ROBO2: variants seen among roughly 807,000 people sequenced by gnomAD.
ROBO2 encodes the protein roundabout guidance receptor 2, also known as roundabout homolog 2.
In ROBO2, 53 loss-of-function variants were observed where a neutral mutation model predicts 160.8. The observed-to-expected ratio is 0.33, with a 90% confidence interval of 0.26 to 0.41. The LOEUF (loss-of-function observed/expected upper bound fraction) is 0.41, where lower values mean the gene tolerates loss of function less well. Among genes scored for constraint, ROBO2 ranks in the 10% least tolerant of loss-of-function variants. The pLI is 1.00. For synonymous variants in ROBO2, 664 were observed against 611.7 expected (o/e 1.09, Z -1.26); for missense variants, 1,577 against 1,722.4 (o/e 0.92, Z 1.49).
chr3:76,613,639 C>T (rs924874518), intron 2 of ROBO2, among the ~76,000 whole-genome samples: 9 of 151,836 alleles, frequency 5.9e-5, no homozygotes, highest in African/African-American at 2.2e-4. Flanking sequence ...AGAGTACTGC[C>T]TGTCTCCCAG....
chr3:76,212,921 T>G (rs1703243197), intron 2 of ROBO2, among the ~76,000 whole-genome samples: 1 of 430 alleles, frequency 2.3e-3, no homozygotes, highest in Non-Finnish European at 0.071. Flanking sequence ...TAGTTTCACT[T>G]TTGGTATTTG....
At position 77,494,348 on chromosome 3, in the gene ROBO2, A is replaced by T. The variant is rs569232324; in HGVS notation, c.806+966A>T. On this transcript the variant is annotated intron_variant, in intron 5 of 25. Transcript: ENST00000461745. ...TCCCAACACTTTGGGAGGCCGAGGC[A>T]GGTGGATCATTTCATGTCAGGAGTT... Among the ~76,000 whole-genome samples, 38 of 152,124 alleles carry T rather than the reference A, an allele frequency of 2.5e-4. No individual in the cohort carries two copies. In the South Asian group the frequency reaches 3.9e-3, roughly 16 times the overall value.
chr3:76,841,176 A>C (rs1181065200), intron 2 of ROBO2, among the ~76,000 whole-genome samples: 1 of 152,160 alleles, frequency 6.6e-6, no homozygotes, highest in African/African-American at 2.4e-5. Context: ...GCGCCATTGG[A>C]TTAGAAAGAA....
At chr3:76,668,649 G>T (rs538007838) in intron 2 of ROBO2, among the ~76,000 whole-genome samples, 30 of 152,202 alleles carry the variant, frequency 2.0e-4, no homozygotes, top group African/African-American at 7.0e-4. Context: ...TTCCTAGGAA[G>T]ACAGGGCATA....
chr3:77,301,758 CTT>C (rs1366395605), intron 2 of ROBO2, among the ~76,000 whole-genome samples: 2 of 152,150 alleles, frequency 1.3e-5, no homozygotes, highest in East Asian at 3.8e-4. Context: ...TATTGTAACT[CTT>C]TTACTAAATT....
intron 2 of ROBO2, among the ~76,000 whole-genome samples, chr3:77,407,510 T>A (rs2076348193): frequency 6.6e-6 from 1 of 152,184 alleles, no homozygotes; most frequent in Admixed American, 6.5e-5. Flanking sequence ...TTGGAGGAGT[T>A]AAGGGAAATT....
intron 2 of ROBO2, among the ~76,000 whole-genome samples, chr3:76,611,701 C>G (rs2088141015): frequency 6.6e-6 from 1 of 151,936 alleles, no homozygotes; most frequent in South Asian, 2.1e-4. Context: ...TTTTATTTAT[C>G]TTTTTGAAAA....
chr3:76,865,612 T>G (rs1354017750), intron 2 of ROBO2, among the ~76,000 whole-genome samples: 1 of 152,118 alleles, frequency 6.6e-6, no homozygotes, highest in Non-Finnish European at 1.5e-5. Context: ...CATAACCAGA[T>G]TTGTTACACT....
intron 21 of ROBO2, among the ~76,000 whole-genome samples, chr3:77,608,369 T>C (rs1406411639): frequency 6.6e-6 from 1 of 152,174 alleles, no homozygotes; most frequent in Non-Finnish European, 1.5e-5. Context: ...AGGGCGCCAC[T>C]GTAGAGCACC....
intron 2 of ROBO2, among the ~76,000 whole-genome samples, chr3:76,801,230 G>T (rs1021251061): frequency 6.6e-6 from 1 of 152,160 alleles, no homozygotes; most frequent in African/African-American, 2.4e-5. Flanking sequence ...CAGATAGAGA[G>T]TAGAGTAGTA....
intron 2 of ROBO2, among the ~76,000 whole-genome samples, chr3:76,470,082 T>C (rs1015727083): frequency 2.6e-5 from 4 of 152,154 alleles, no homozygotes; most frequent in Non-Finnish European, 4.4e-5. Context: ...TCTTATTATC[T>C]CTTAGATCTG....
At chr3:77,539,111 G>A (rs1019502723) in intron 6 of ROBO2, among the ~76,000 whole-genome samples, 5 of 152,014 alleles carry the variant, frequency 3.3e-5, no homozygotes, top group South Asian at 4.1e-4. Flanking sequence ...GTGGAGACGA[G>A]GTTTCACCAT....
intron 2 of ROBO2, among the ~76,000 whole-genome samples, chr3:76,620,304 G>T (rs897058785): frequency 1.3e-5 from 2 of 152,110 alleles, no homozygotes; most frequent in African/African-American, 4.8e-5. Flanking sequence ...AAAAGGAAAA[G>T]CTACAAATTT....
At chr3:77,170,615 T>A (rs2079542907) in intron 2 of ROBO2, among the ~76,000 whole-genome samples, 2 of 152,102 alleles carry the variant, frequency 1.3e-5, no homozygotes. Context: ...TCAACTCAAC[T>A]GTTATCTGGT....
chr3:76,162,861 G>C (rs904869018), intron 2 of ROBO2, among the ~76,000 whole-genome samples: 2 of 151,850 alleles, frequency 1.3e-5, no homozygotes, highest in African/African-American at 2.4e-5. Context: ...TATTTTGATA[G>C]TTATCTCTTT....
intron 2 of ROBO2, among the ~76,000 whole-genome samples, chr3:76,317,922 A>C (rs2107843058): frequency 6.6e-6 from 1 of 152,076 alleles, no homozygotes; most frequent in Non-Finnish European, 1.5e-5. Flanking sequence ...AGCTATAGAA[A>C]ATATGTCCTG....
chr3:76,196,183 G>A (rs1419490301), intron 2 of ROBO2, among the ~76,000 whole-genome samples: 1 of 152,092 alleles, frequency 6.6e-6, no homozygotes, highest in African/African-American at 2.4e-5. Context: ...AAGCTAAAAT[G>A]TTTCATACAG....
intron 2 of ROBO2, among the ~76,000 whole-genome samples, chr3:77,232,495 G>A (rs1349876952): frequency 6.6e-6 from 1 of 152,194 alleles, no homozygotes; most frequent in Non-Finnish European, 1.5e-5. Context: ...GAGGACATGG[G>A]AAATGAAAAG....
At chr3:76,466,501 G>T (rs760907073) in intron 2 of ROBO2, among the ~76,000 whole-genome samples, 46 of 151,746 alleles carry the variant, frequency 3.0e-4, no homozygotes, top group Non-Finnish European at 4.6e-4. Context: ...TTTGTTCCAT[G>T]GAAATGTTTT....
Sources: allele counts gnomAD v4.1 joint callset (sites outside exome capture counted in the v4.1 genomes callset), GRCh38; gene constraint gnomAD v4.1.1; transcripts MANE v1.5; gene names NCBI Gene and HGNC (gene_info 2026-07-23, HGNC 2026-07-21).